Variants in CEP295 observed in about 807,000 individuals in gnomAD.
The protein encoded by CEP295 is centrosomal protein of 295 kDa.
CEP295 carries 190 observed loss-of-function variants against 291.6 expected under a neutral mutation model. The ratio of observed to expected loss-of-function variants is 0.65; its 90% CI spans 0.58 to 0.73. The LOEUF is 0.73. Among genes scored for constraint, CEP295 ranks in the 30% least tolerant of loss-of-function variants. The pLI, the probability that CEP295 is intolerant of heterozygous loss-of-function variation, is 0.00. For synonymous variants in CEP295, 993 were observed against 1,038.8 expected, an observed-to-expected ratio of 0.96 and a Z score of 0.85; for missense variants, 2,863 against 2,949.4, an observed-to-expected ratio of 0.97 and a Z score of 0.68.
chr11:93,703,331 AAAAG>A (rs978708382), intron 17 of CEP295, among the ~76,000 whole-genome samples: 2 of 152,148 alleles, frequency 1.3e-5, no homozygotes, highest in African/African-American at 4.8e-5. Context: ...GGAAAAAAAA[AAAAG>A]AAACCTAGAC....
At position 93,698,978 on chromosome 11, in the gene CEP295, G is replaced by C; in HGVS notation, c.4066G>C (p.Glu1356Gln). The C allele has an allele frequency of 6.4e-7, 1 of 1,550,426 alleles. No individual in the cohort carries two copies. The highest frequency in any genetic ancestry group is 8.7e-7 in the Non-Finnish European group (1 of 1,147,004). Residue 1356 changes from glutamate to glutamine, a missense_variant, in exon 15 of 30, where the codon GAA becomes CAA. This residue lies in a region of CEP295 where 2,295 missense variants were observed against 2,335.7 expected (regional missense o/e 0.98). Coordinates refer to ENST00000325212, the MANE Select transcript of CEP295 (RefSeq NM_033395.2). Reference sequence around the variant, plus strand: ...ACAAGATAATTTGAAGGCACTTCAAGAACAGTTAGCTACACAGAGAGAAGC... The same window carrying C: ...ACAAGATAATTTGAAGGCACTTCAACAACAGTTAGCTACACAGAGAGAAGC... ...PQQDNLKALQ[E>Q]QLATQREAII...
chr11:93,713,559 T>G (rs1953051131), intron 18 of CEP295, among the ~76,000 whole-genome samples: 1 of 152,230 alleles, frequency 6.6e-6, no homozygotes, highest in Non-Finnish European at 1.5e-5. Context: ...GTATATTATT[T>G]GTTTATTTTT....
At chr11:93,719,689 C>T (rs544166289) in intron 18 of CEP295, 14 of 151,992 alleles carry the variant, frequency 9.2e-5, no homozygotes, top group Non-Finnish European at 1.8e-4. Context: ...TTTCCCTGTT[C>T]TCACTACTGC....
intron 1 of CEP295, among the ~76,000 whole-genome samples, chr11:93,662,543 G>A (rs932654810): frequency 6.6e-6 from 1 of 151,992 alleles, no homozygotes; most frequent in Non-Finnish European, 1.5e-5. Flanking sequence ...CTTCAATATT[G>A]GATAGTAATA....
intron 4 of CEP295, 131 bp from the exon 5 acceptor site, chr11:93,669,546 A>G: frequency 1.7e-6 from 1 of 582,144 alleles, no homozygotes; most frequent in African/African-American, 1.9e-5. Flanking sequence ...CTCTTTACAC[A>G]TGTAAAGCTT....
intron 15 of CEP295, among the ~76,000 whole-genome samples, chr11:93,700,495 G>A (rs112011172): frequency 1.3e-5 from 2 of 148,600 alleles, no homozygotes; most frequent in African/African-American, 2.5e-5. Flanking sequence ...GCACCATGTC[G>A]GCTCACTGCA....
At chr11:93,703,767 CTTT>C (rs748490554) in intron 17 of CEP295, among the ~76,000 whole-genome samples, 2 of 127,922 alleles carry the variant, frequency 1.6e-5, no homozygotes. Flanking sequence ...CCCTGTAATT[CTTT>C]TTTTTTTTTT....
intron 1 of CEP295, among the ~76,000 whole-genome samples, chr11:93,662,020 G>C (rs949821944): frequency 6.6e-6 from 1 of 152,318 alleles, no homozygotes; most frequent in African/African-American, 2.4e-5. Flanking sequence ...CGCTCTCCTG[G>C]GGTCGGGTCG....
chr11:93,727,393 C>T lies in CEP295; in HGVS notation c.6917C>T (p.Thr2306Ile), dbSNP rs762907477. 7.7e-6 allele frequency: 12 copies of T among 1,551,558 alleles called. No individual in the cohort carries two copies. Among genetic ancestry groups the T allele is most frequent in the Non-Finnish European group, 1.0e-5 (12 of 1,146,936 alleles). ...QGLIEDNKNETCRVLDINPQV... is the reference protein window; with the variant it reads ...QGLIEDNKNEICRVLDINPQV... ...CTCATTGAAGATAATAAAAATGAAA[C>T]CTGTAGGGTTTTAGACATAAATCCA... is the stretch of plus-strand genomic sequence containing the variant. The change falls in exon 24 of 30, where the codon ACC becomes ATC. Residue 2306 changes from threonine (T) to isoleucine (I), a missense_variant. Coordinates refer to ENST00000325212, the MANE Select transcript of CEP295 (RefSeq NM_033395.2).
intron 6 of CEP295, among the ~76,000 whole-genome samples, chr11:93,678,945 C>T (rs1346197123): frequency 6.6e-6 from 1 of 152,162 alleles, no homozygotes; most frequent in Non-Finnish European, 1.5e-5. Flanking sequence ...GAACTTCCGC[C>T]TCCCGGGCTC....
intron 1 of CEP295, among the ~76,000 whole-genome samples, chr11:93,662,036 G>A (rs1009655257): frequency 3.3e-5 from 5 of 152,302 alleles, no homozygotes; most frequent in East Asian, 1.9e-4. Flanking sequence ...GGTCGCGCGA[G>A]CTTCCCACGC....
chr11:93,716,277 A>G (rs544604216), intron 18 of CEP295, among the ~76,000 whole-genome samples: 3 of 152,136 alleles, frequency 2.0e-5, no homozygotes, highest in Non-Finnish European at 4.4e-5. Flanking sequence ...GTTCCAATGC[A>G]AAGTCCCAGA....
chr11:93,720,634 A>G (rs1164793967), intron 18 of CEP295, among the ~76,000 whole-genome samples: 1 of 152,080 alleles, frequency 6.6e-6, no homozygotes, highest in Non-Finnish European at 1.5e-5. Context: ...GCTCTGTTGC[A>G]GAGGCTGGAG....
Position 93,721,421 on chromosome 11 carries a change from T to C in CEP295, c.5850+9T>C. Reference sequence around the variant, plus strand: ...TGAAGCCAGATGATAAGGTTAGTAATGTCTTAATGTTCACTCGATTTTTAG... The same window carrying C: ...TGAAGCCAGATGATAAGGTTAGTAACGTCTTAATGTTCACTCGATTTTTAG... On this transcript the variant is annotated intron_variant, in intron 19 of 29. Transcript: ENST00000325212. 2.0e-6 allele frequency: 3 copies of C among 1,511,500 alleles called. No individual in the cohort carries two copies. The highest frequency in any genetic ancestry group is 2.8e-6 in the Non-Finnish European group (3 of 1,086,856). The allele number at this position is 1,511,500 out of a possible 1,614,324, so 93.6% of individuals were successfully genotyped here. A position where few individuals can be genotyped will look rare whatever the true frequency, so the allele number is the denominator to read the frequency against.
In CEP295 at chr11:93,727,249, C is replaced by T. The variant is rs1954218189; in HGVS notation, c.6773C>T (p.Pro2258Leu). Residue 2258 changes from proline to leucine, a missense_variant, in exon 24 of 30, where the codon CCA becomes CTA. By Grantham distance (98) the Pro-to-Leu change is moderately conservative (BLOSUM62 -3). This residue lies in a region of CEP295 where 2,295 missense variants were observed against 2,335.7 expected (regional missense o/e 0.98). Transcript: ENST00000325212. Reference sequence around the variant, plus strand: ...CAGTTAAATGTACAGCATAGCACTCCATGTGGTTCTAACTCTAGTGAGTGC... The same window carrying T: ...CAGTTAAATGTACAGCATAGCACTCTATGTGGTTCTAACTCTAGTGAGTGC... ...FDQLNVQHST[P>L]CGSNSSECST... 1 of 1,551,670 alleles carries T rather than the reference C, an allele frequency of 6.4e-7. No individual in the cohort carries two copies. The highest frequency in any genetic ancestry group is 8.7e-7 in the Non-Finnish European group (1 of 1,146,946).
chr11:93,665,707 C>G (rs1950178728), intron 1 of CEP295, among the ~76,000 whole-genome samples: 1 of 151,324 alleles, frequency 6.6e-6, no homozygotes, highest in Admixed American at 6.6e-5. Flanking sequence ...GACTCCATCT[C>G]AAAAAAAAGA....
At chr11:93,670,397 TA>T (rs34521726) in intron 5 of CEP295, among the ~76,000 whole-genome samples, 139,662 of 152,040 alleles carry the variant, frequency 0.92, 64,964 homozygotes, top group East Asian at 0.99. Context: ...TTATTTTTTT[TA>T]AAAAAATGTA....
Position 93,668,882 on chromosome 11 carries a change from C to A in CEP295, c.384C>A (p.Ala128=). Reference sequence around the variant, plus strand: ...AAGCAGATTTGAGGCATAAAGAAGCCTTGAAAGTACAGAAAAATCAAAAAG... The same window carrying A: ...AAGCAGATTTGAGGCATAAAGAAGCATTGAAAGTACAGAAAAATCAAAAAG... ...KRKADLRHKE[A]LKVQKNQKEI... is the part of the protein sequence containing the mutation. The change falls in exon 4 of 30, where the codon GCC becomes GCA. Residue 128 remains alanine, a synonymous_variant. Transcript: ENST00000325212. 7.1e-7 allele frequency: 1 copy of A among 1,401,598 alleles called. No individual in the cohort carries two copies. The highest frequency in any genetic ancestry group is 9.8e-7 in the Non-Finnish European group (1 of 1,023,500). The allele number at this position is 1,401,598 out of a possible 1,614,324, so 86.8% of individuals were successfully genotyped here.
chr11:93,668,340 T>C (rs1267736375), intron 3 of CEP295, among the ~76,000 whole-genome samples: 2 of 152,170 alleles, frequency 1.3e-5, no homozygotes, highest in African/African-American at 4.8e-5. Flanking sequence ...CTTAAGACTG[T>C]GGCAATCTGT....
Sources: allele counts gnomAD v4.1 joint callset (sites outside exome capture counted in the v4.1 genomes callset), GRCh38; gene constraint gnomAD v4.1.1; regional missense constraint gnomAD v4.1.1; transcripts MANE v1.5; gene names NCBI Gene and HGNC (gene_info 2026-07-23, HGNC 2026-07-21).